CDC16: variants seen among roughly 807,000 people sequenced by gnomAD.
The protein encoded by CDC16 is cell division cycle 16, also known as cell division cycle protein 16 homolog.
Under a neutral mutation model 87.0 loss-of-function variants are expected in CDC16, and 34 were observed. That is an observed-to-expected ratio of 0.39 (90% CI 0.30 to 0.52). The LOEUF (loss-of-function observed/expected upper bound fraction) is 0.52, where lower values mean the gene tolerates loss of function less well. CDC16 is among the 20% of genes least tolerant of loss of function. CDC16 has a pLI of 0.74. For missense variants in CDC16, 653 were observed against 751.9 expected, an observed-to-expected ratio of 0.87 and a Z score of 1.54; for synonymous variants, 263 against 260.6, an observed-to-expected ratio of 1.01 and a Z score of -0.09.
At chr13:114,256,886 C>T (rs1310731075) in intron 12 of CDC16, among the ~76,000 whole-genome samples, 192 bp from the exon 13 acceptor site, 1 of 152,046 alleles carries the variant, frequency 6.6e-6, no homozygotes, top group Admixed American at 6.5e-5. Flanking sequence ...CAGATAGATT[C>T]TAGAAGTGGC....
intron 10 of CDC16, 32 bp downstream of exon 10, chr13:114,246,081 T>G: frequency 9.1e-7 from 1 of 1,104,844 alleles, no homozygotes; most frequent in Non-Finnish European, 1.3e-6. Flanking sequence ...CTTAGTTTTT[T>G]TTTTTTTACC....
Position 114,262,865 on chromosome 13 carries a change from G to A in CDC16, c.1377-14G>A. On this transcript the variant is annotated splice_polypyrimidine_tract_variant and intron_variant, in intron 15 of 17. Transcript: ENST00000356221. ...TGCTTTTACTGTAGCCAATAATTGTGTTCTCTCCCACAGAAAGTATGCTGA... is the reference window on the plus strand; with the variant it reads ...TGCTTTTACTGTAGCCAATAATTGTATTCTCTCCCACAGAAAGTATGCTGA... 1 of 1,614,020 alleles carries A rather than the reference G, an allele frequency of 6.2e-7. No individual in the cohort carries two copies.
At chr13:114,265,300 C>T (rs1443791876) in intron 17 of CDC16, 60 bp downstream of exon 17, 1 of 1,049,054 alleles carries the variant, frequency 9.5e-7, no homozygotes, top group Non-Finnish European at 1.5e-6. Flanking sequence ...TCATATGTCT[C>T]TGTTTATGTT....
At chr13:114,257,314 C>A in intron 13 of CDC16, 84 bp downstream of exon 13, 1 of 811,544 alleles carries the variant, frequency 1.2e-6, no homozygotes. Flanking sequence ...CTGACAAAAG[C>A]GACTCTTCAG....
rs747813467 is a variant in CDC16 at position 114,257,205 on chromosome 13, G to T, written c.1225G>T (p.Gly409Cys). The change falls in exon 13 of 18, where the codon GGC becomes TGC. Residue 409 changes from glycine (G) to cysteine (C), a missense_variant. By Grantham distance (159) the Gly-to-Cys change is radical. Coordinates refer to ENST00000356221, the MANE Select transcript of CDC16 (RefSeq NM_001078645.3). ...PEDPFVMHEV[G>C]VVAFQNGEWK... ...AGACCCTTTTGTTATGCATGAGGTC[G>T]GCGTGGTTGCATTTCAGAATGGAGA... The T allele has an allele frequency of 1.2e-6, 2 of 1,611,080 alleles. No homozygotes were observed. The highest frequency in any genetic ancestry group is 1.7e-6 in the Non-Finnish European group (2 of 1,177,976).
In CDC16 at chr13:114,250,618, G is replaced by C. The variant is rs756591299; in HGVS notation, c.1041G>C (p.Glu347Asp). ...CCTATGGACATTCATTTGCGGTGGA[G>C]AGTGAGCACGACCAAGCGATGGCTG... ...WIAYGHSFAV[E>D]SEHDQAMAAY... Residue 347 changes from glutamate (E) to aspartate (D), a missense_variant, in exon 12 of 18, where the codon GAG becomes GAC. Glu to Asp is a conservative substitution (Grantham distance 45). Transcript: ENST00000356221. 6.2e-7 allele frequency: 1 copy of C among 1,614,152 alleles called. No homozygotes were observed. The highest frequency in any genetic ancestry group is 8.5e-7 in the Non-Finnish European group (1 of 1,180,014).
intron 12 of CDC16, among the ~76,000 whole-genome samples, chr13:114,256,851 A>G (rs1212062185): frequency 6.6e-6 from 1 of 152,208 alleles, no homozygotes; most frequent in Non-Finnish European, 1.5e-5. Context: ...TGGAATAATA[A>G]TGAAAATTAA....
chr13:114,235,251 G>C, intron 1 of CDC16, 119 bp downstream of exon 1: 1 of 656,842 alleles, frequency 1.5e-6, no homozygotes. Flanking sequence ...GCCGGCCCTG[G>C]GCCTTCATCT....
chr13:114,237,047 A>C, intron 3 of CDC16, 151 bp downstream of exon 3: 1 of 492,228 alleles, frequency 2.0e-6, no homozygotes. Context: ...CAAGATGGTG[A>C]AACCCCATCT....
chr13:114,259,334 G>C lies in CDC16; in HGVS notation c.1251-1G>C. 1 of 1,566,560 alleles carries C rather than the reference G, an allele frequency of 6.4e-7. No homozygotes were observed. Among genetic ancestry groups the C allele is most frequent in the Non-Finnish European group, 8.6e-7 (1 of 1,167,000 alleles). On this transcript the variant is annotated splice_acceptor_variant, in intron 13 of 17. Coordinates refer to ENST00000356221, the MANE Select transcript of CDC16 (RefSeq NM_001078645.3). LOFTEE classifies it high-confidence loss of function. ...TGCAACCTTTTTTCCTTTCATTTTA[G>C]ATGGAAAACAGCCGAAAAATGGTTT... is the stretch of plus-strand genomic sequence containing the variant.
At position 114,261,913 on chromosome 13, in the gene CDC16, G is replaced by A; in HGVS notation, c.1341G>A (p.Leu447=). 4 of 1,605,164 alleles carry A rather than the reference G, an allele frequency of 2.5e-6. No homozygotes were observed. Among genetic ancestry groups the A allele is most frequent in the Non-Finnish European group, 3.4e-6 (4 of 1,176,398 alleles). Residue 447 remains leucine, a synonymous_variant, in exon 15 of 18, where the codon TTG becomes TTA. Transcript: ENST00000356221. ...TAACAGTTGACAAATGGGAACCTTT[G>A]TTGAACAACTTGGGGCATGTCTGCA... ...NEVTVDKWEP[L]LNNLGHVCRK...
chr13:114,243,601 A>G (rs922500673), intron 7 of CDC16, among the ~76,000 whole-genome samples: 2 of 152,232 alleles, frequency 1.3e-5, no homozygotes, highest in Non-Finnish European at 2.9e-5. Context: ...TTGCATGGAA[A>G]TGAAGATTTT....
At chr13:114,244,713 T>C (rs2138923687) in intron 8 of CDC16, 177 bp from the exon 9 acceptor site, 1 of 410,622 alleles carries the variant, frequency 2.4e-6, no homozygotes, top group South Asian at 9.0e-5. Flanking sequence ...TTCTTTCATT[T>C]GTAACTTAAT....
intron 12 of CDC16, among the ~76,000 whole-genome samples, chr13:114,254,617 CAGAT>C (rs1166368250): frequency 6.6e-6 from 1 of 152,132 alleles, no homozygotes; most frequent in Non-Finnish European, 1.5e-5. Flanking sequence ...TCTTTTAAAT[CAGAT>C]AGAAGAGTTA....
intron 5 of CDC16, among the ~76,000 whole-genome samples, chr13:114,240,130 T>C (rs2081471508): frequency 6.6e-6 from 1 of 152,208 alleles, no homozygotes; most frequent in Non-Finnish European, 1.5e-5. Flanking sequence ...CTCACCATGG[T>C]CAATTTTAGA....
chr13:114,245,269 C>G (rs1032066879), intron 9 of CDC16, among the ~76,000 whole-genome samples: 2 of 151,332 alleles, frequency 1.3e-5, no homozygotes, highest in Non-Finnish European at 2.9e-5. Flanking sequence ...GCCTCCCCCC[C>G]CCTTTTTTTT....
intron 4 of CDC16, 138 bp downstream of exon 4, chr13:114,239,166 G>C: frequency 7.0e-7 from 1 of 1,426,046 alleles, no homozygotes; most frequent in South Asian, 1.4e-5. Flanking sequence ...CCTTTCCTTA[G>C]TCATGTTTGC....
At chr13:114,244,743 AC>A in intron 8 of CDC16, 146 bp from the exon 9 acceptor site, 1 of 476,534 alleles carries the variant, frequency 2.1e-6, no homozygotes, top group Non-Finnish European at 3.8e-6. Flanking sequence ...AACTGAATCA[AC>A]CTGAAGATAA....
chr13:114,265,022 C>A, intron 16 of CDC16, 128 bp from the exon 17 acceptor site: 1 of 690,962 alleles, frequency 1.4e-6, no homozygotes, highest in Non-Finnish European at 2.6e-6. Flanking sequence ...TGGTTCATGG[C>A]CAGTCATGTA....
Sources: gnomAD v4.1 joint callset for allele counts (sites outside exome capture counted in the v4.1 genomes callset) on GRCh38, gnomAD v4.1.1 for gene constraint, MANE v1.5 for transcripts, NCBI Gene and HGNC (gene_info 2026-07-23, HGNC 2026-07-21) for gene names.